SFMBT1: variants seen among roughly 807,000 people sequenced by gnomAD.
SFMBT1 encodes Scm like with four mbt domains 1, also known as scm-like with four MBT domains protein 1.
Under a neutral mutation model 108.7 loss-of-function variants are expected in SFMBT1, and 32 were observed. The ratio of observed to expected loss-of-function variants is 0.29; its 90% CI spans 0.22 to 0.40. The LOEUF (loss-of-function observed/expected upper bound fraction) is 0.40. Among genes scored for constraint, SFMBT1 ranks in the 10% least tolerant of loss-of-function variants. SFMBT1 has a pLI of 1.00. For synonymous variants in SFMBT1, 348 were observed against 369.5 expected (o/e 0.94, Z 0.67); for missense variants, 816 against 1,059.6 (o/e 0.77, Z 3.19).
chr3:53,012,688 C>T (rs1209371571), intron 1 of SFMBT1, among the ~76,000 whole-genome samples: 1 of 151,660 alleles, frequency 6.6e-6, no homozygotes, highest in African/African-American at 2.4e-5. Context: ...AGGCGTGAGC[C>T]ACCGCGCCCG....
At chr3:52,914,570 A>G (rs1479487564) in intron 14 of SFMBT1, among the ~76,000 whole-genome samples, 1 of 87,654 alleles carries the variant, frequency 1.1e-5, no homozygotes, top group Non-Finnish European at 2.6e-5. Flanking sequence ...TACAAAAAAC[A>G]AAAACAAAAA....
chr3:52,987,805 A>G lies in SFMBT1; in HGVS notation c.-130-18547T>C, dbSNP rs117212515. 3.9e-4 allele frequency among the ~76,000 whole-genome samples: 60 copies of G among 152,376 alleles called. No homozygotes were observed. The East Asian group carries it at 0.01, about 26-fold the overall frequency. The stretch of plus-strand genomic sequence containing the variant: ...GGCACCTAGACAGATGCTGCCATCT[A>G]TAAGCTTCTAAAATCTTATTCTAGT... On this transcript the variant is annotated intron_variant, in intron 1 of 20. Coordinates refer to ENST00000394752, the MANE Select transcript of SFMBT1 (RefSeq NM_016329.4).
intron 9 of SFMBT1, among the ~76,000 whole-genome samples, chr3:52,927,730 C>T (rs1702701348): frequency 1.3e-5 from 2 of 152,182 alleles, no homozygotes; most frequent in South Asian, 4.1e-4. Flanking sequence ...ATAAACTTCT[C>T]TGTAGAAAGT....
intron 3 of SFMBT1, among the ~76,000 whole-genome samples, chr3:52,944,596 C>T (rs1040388942): frequency 2.0e-5 from 3 of 151,936 alleles, no homozygotes; most frequent in African/African-American, 7.3e-5. Flanking sequence ...CTCGGCTTAC[C>T]GCAACCTCTG....
At chr3:52,962,790 G>A (rs1272065919) in intron 2 of SFMBT1, among the ~76,000 whole-genome samples, 4 of 113,742 alleles carry the variant, frequency 3.5e-5, no homozygotes, top group Non-Finnish European at 1.7e-5. Flanking sequence ...CTGGGTGACA[G>A]AGCAAGGCTC....
chr3:52,924,819 G>C lies in SFMBT1; in HGVS notation c.1131+1212C>G, dbSNP rs533604732. 2.3e-4 allele frequency among the ~76,000 whole-genome samples: 35 copies of C among 152,328 alleles called. No individual in the cohort carries two copies. In the South Asian group the frequency reaches 6.8e-3, roughly 30 times the overall value. On this transcript the variant is annotated intron_variant, in intron 10 of 20. Transcript: ENST00000394752. ...TCTTGATGTGACTGCTTTTGATAAT[G>C]AGAGACTACTGGGAAGTGTGGACAG... is the stretch of plus-strand genomic sequence containing the variant.
intron 1 of SFMBT1, among the ~76,000 whole-genome samples, chr3:52,996,206 CTTTTTT>C (rs35167235): frequency 4.5e-5 from 4 of 88,128 alleles, no homozygotes; most frequent in Admixed American, 3.1e-4. Context: ...ATAAACAATC[CTTTTTT>C]TTTTTTTTTT....
At chr3:53,011,048 G>C (rs749066385) in intron 1 of SFMBT1, among the ~76,000 whole-genome samples, 10 of 152,164 alleles carry the variant, frequency 6.6e-5, no homozygotes, top group Non-Finnish European at 1.0e-4. Flanking sequence ...AGGAAGCTCA[G>C]TCTTGCCCTA....
Position 52,926,059 on chromosome 3 carries a change from T to C in SFMBT1, c.1103A>G (p.Glu368Gly), listed in dbSNP as rs745489576. ...WADYLKQCGA[E>G]AAPQRCFPPL... ...AGGGAAGCACCTCTGGGGAGCAGCT[T>C]CAGCACCACACTGTTTGAGGTAGTC... The change falls in exon 10 of 21, where the codon GAA becomes GGA. Residue 368 changes from glutamate to glycine, a missense_variant. This residue lies in a region of SFMBT1 where 495 missense variants were observed against 607.4 expected (regional missense o/e 0.81). Transcript: ENST00000394752. 1 of 1,604,016 alleles carries C rather than the reference T, an allele frequency of 6.2e-7. No homozygotes were observed. The highest frequency in any genetic ancestry group is 8.5e-7 in the Non-Finnish European group (1 of 1,176,322).
chr3:53,035,932 T>A (rs1235845768), intron 1 of SFMBT1, among the ~76,000 whole-genome samples: 2 of 152,204 alleles, frequency 1.3e-5, no homozygotes, highest in African/African-American at 2.4e-5. Flanking sequence ...CTTCAGCATT[T>A]TTGACAGTCT....
chr3:52,970,480 G>A (rs556151755), intron 1 of SFMBT1, among the ~76,000 whole-genome samples: 63 of 152,232 alleles, frequency 4.1e-4, no homozygotes, highest in Non-Finnish European at 7.2e-4. Context: ...ATATATACAT[G>A]TAAAATAATC....
chr3:53,045,563 C>G (rs1448005827), intron 1 of SFMBT1, among the ~76,000 whole-genome samples: 15 of 142,770 alleles, frequency 1.1e-4, no homozygotes, highest in Admixed American at 2.1e-4. Flanking sequence ...CTGCAGCCGG[C>G]CGGCCGGCGC....
intron 5 of SFMBT1, 113 bp from the exon 6 acceptor site, chr3:52,932,421 G>A: frequency 1.0e-6 from 1 of 1,003,484 alleles, no homozygotes. Context: ...CCATTCAAAA[G>A]CCAGTGACAC....
chr3:53,041,986 T>C (rs1459621131), intron 1 of SFMBT1, among the ~76,000 whole-genome samples: 2 of 152,220 alleles, frequency 1.3e-5, no homozygotes, highest in South Asian at 2.1e-4. Flanking sequence ...ACAAGTTCTT[T>C]TATTTTATGT....
At chr3:52,942,836 C>T (rs1703231850) in intron 4 of SFMBT1, among the ~76,000 whole-genome samples, 1 of 152,162 alleles carries the variant, frequency 6.6e-6, no homozygotes, top group African/African-American at 2.4e-5. Context: ...TTTCTTAAAT[C>T]CGGAGTCCTC....
At chr3:53,018,433 T>A (rs558269180) in intron 1 of SFMBT1, among the ~76,000 whole-genome samples, 1 of 152,254 alleles carries the variant, frequency 6.6e-6, no homozygotes, top group Non-Finnish European at 1.5e-5. Flanking sequence ...TTCCCATATT[T>A]ACTCTGTAAC....
chr3:53,020,866 G>A (rs1559552374), intron 1 of SFMBT1, among the ~76,000 whole-genome samples: 1 of 152,168 alleles, frequency 6.6e-6, no homozygotes, highest in Non-Finnish European at 1.5e-5. Context: ...AGACCAGCCT[G>A]GCCAACATGG....
intron 1 of SFMBT1, among the ~76,000 whole-genome samples, chr3:53,000,001 G>T (rs1188318826): frequency 6.7e-6 from 1 of 150,084 alleles, no homozygotes; most frequent in African/African-American, 2.4e-5. Flanking sequence ...TGGGACTACA[G>T]GCATGTGCCA....
At chr3:52,954,126 AAAAAAAAT>A (rs1025018425) in intron 3 of SFMBT1, among the ~76,000 whole-genome samples, 183 bp downstream of exon 3, 20 of 152,122 alleles carry the variant, frequency 1.3e-4, no homozygotes, top group Admixed American at 4.6e-4. Flanking sequence ...CTCCATCTCA[AAAAAAAAT>A]AAAAAAATAA....
Sources: gnomAD v4.1 joint callset for allele counts (sites outside exome capture counted in the v4.1 genomes callset) on GRCh38, gnomAD v4.1.1 for gene constraint, gnomAD v4.1.1 regional missense constraint, MANE v1.5 for transcripts, NCBI Gene and HGNC (gene_info 2026-07-23, HGNC 2026-07-21) for gene names.